GRIK4: variants seen among roughly 807,000 people sequenced by gnomAD.
The protein encoded by GRIK4 is glutamate receptor ionotropic, kainate 4.
Under a neutral mutation model 104.9 loss-of-function variants are expected in GRIK4, and 40 were observed. The observed-to-expected ratio is 0.38, with a 90% CI of 0.30 to 0.50. The LOEUF is 0.50. Among genes scored for constraint, GRIK4 ranks in the 20% least tolerant of loss-of-function variants. The probability of loss-of-function intolerance (pLI) is 0.93; values close to 1 mark genes in which losing one functional copy is unlikely to be tolerated. For missense variants in GRIK4, 1,047 were observed against 1,308.1 expected, an observed-to-expected ratio of 0.80 and a Z score of 3.08; for synonymous variants, 485 against 524.9, an observed-to-expected ratio of 0.92 and a Z score of 1.04.
intron 14 of GRIK4, among the ~76,000 whole-genome samples, chr11:120,948,814 T>C (rs1172050019): frequency 6.6e-6 from 1 of 151,850 alleles, no homozygotes; most frequent in African/African-American, 2.4e-5. Context: ...AGAAGGAGAG[T>C]GAACATACAT....
chr11:120,921,615 C>A (rs1208012118), intron 13 of GRIK4, among the ~76,000 whole-genome samples: 1 of 152,216 alleles, frequency 6.6e-6, no homozygotes, highest in Non-Finnish European at 1.5e-5. Context: ...CCTGCCTCCA[C>A]CCTCCTGGCT....
At chr11:120,540,632 TAAAATAA>T (rs1482128200) in intron 1 of GRIK4, among the ~76,000 whole-genome samples, 1 of 150,994 alleles carries the variant, frequency 6.6e-6, no homozygotes, top group Non-Finnish European at 1.5e-5. Flanking sequence ...TATAAATAAA[TAAAATAA>T]AAAATAAAAA....
intron 6 of GRIK4, among the ~76,000 whole-genome samples, chr11:120,822,272 C>T (rs1188241740): frequency 6.6e-6 from 1 of 150,800 alleles, no homozygotes; most frequent in South Asian, 2.1e-4. Flanking sequence ...CTGGAGTTCT[C>T]CAGCAGGGCT....
At chr11:120,916,051 TGAG>T (rs1457219603) in intron 13 of GRIK4, among the ~76,000 whole-genome samples, 8 of 152,126 alleles carry the variant, frequency 5.3e-5, no homozygotes, top group Non-Finnish European at 7.4e-5. Context: ...CCTAGAAGAA[TGAG>T]GAGGAAGGAA....
intron 13 of GRIK4, among the ~76,000 whole-genome samples, chr11:120,922,262 C>T (rs1302374470): frequency 1.3e-5 from 2 of 152,200 alleles, no homozygotes; most frequent in Non-Finnish European, 2.9e-5. Context: ...CTAACTTGTT[C>T]AAGATCACGT....
chr11:120,850,196 G>T (rs1188952689), intron 8 of GRIK4, among the ~76,000 whole-genome samples: 1 of 152,080 alleles, frequency 6.6e-6, no homozygotes, highest in Non-Finnish European at 1.5e-5. Context: ...GCTTTTAAAG[G>T]ACTCTTAGGC....
intron 16 of GRIK4, 121 bp downstream of exon 16, chr11:120,957,074 C>A: frequency 2.4e-6 from 2 of 847,172 alleles, no homozygotes; most frequent in Non-Finnish European, 3.5e-6. Flanking sequence ...CAGACCCACG[C>A]AGGAAGCCGA....
At chr11:120,787,005 A>G (rs1247975282) in intron 3 of GRIK4, among the ~76,000 whole-genome samples, 3 of 152,236 alleles carry the variant, frequency 2.0e-5, no homozygotes, top group African/African-American at 7.2e-5. Context: ...AATGATTTTT[A>G]TATTGACTAG....
At chr11:120,921,350 G>C (rs1385432572) in intron 13 of GRIK4, among the ~76,000 whole-genome samples, 1 of 152,176 alleles carries the variant, frequency 6.6e-6, no homozygotes, top group Non-Finnish European at 1.5e-5. Flanking sequence ...CAGCCACCAG[G>C]GGATGGGTGG....
intron 1 of GRIK4, among the ~76,000 whole-genome samples, chr11:120,580,099 C>T (rs949708117): frequency 6.6e-6 from 1 of 152,036 alleles, no homozygotes; most frequent in Non-Finnish European, 1.5e-5. Flanking sequence ...TGCAGAAATG[C>T]CAGTTTGTTT....
At chr11:120,659,930 C>G (rs1949782952) in intron 2 of GRIK4, among the ~76,000 whole-genome samples, 1 of 152,168 alleles carries the variant, frequency 6.6e-6, no homozygotes, top group East Asian at 1.9e-4. Flanking sequence ...CGGGGTTTTG[C>G]CATGTTGGCC....
chr11:120,881,606 C>A (rs1165004735), intron 11 of GRIK4, among the ~76,000 whole-genome samples: 1 of 152,194 alleles, frequency 6.6e-6, no homozygotes, highest in Non-Finnish European at 1.5e-5. Flanking sequence ...CCCTTGCGAA[C>A]CAAGAACTCA....
intron 20 of GRIK4, 59 bp from the exon 21 acceptor site, chr11:120,985,845 G>A: frequency 6.6e-7 from 1 of 1,509,836 alleles, no homozygotes; most frequent in South Asian, 1.2e-5. Context: ...CAGCGGACTC[G>A]CAGGGGGCCC....
chr11:120,678,115 G>A (rs928294412), intron 3 of GRIK4, among the ~76,000 whole-genome samples: 3 of 152,294 alleles, frequency 2.0e-5, no homozygotes, highest in African/African-American at 7.2e-5. Context: ...CGAGGCCTCT[G>A]GGCAGTGCCT....
At chr11:120,743,257 A>G (rs868378423) in intron 3 of GRIK4, among the ~76,000 whole-genome samples, 10 of 151,910 alleles carry the variant, frequency 6.6e-5, no homozygotes, top group Non-Finnish European at 1.2e-4. Flanking sequence ...AAAGAATGAG[A>G]TTATGTCTTT....
chr11:120,603,046 C>T (rs1344802417), intron 1 of GRIK4, among the ~76,000 whole-genome samples: 1 of 152,176 alleles, frequency 6.6e-6, no homozygotes, highest in East Asian at 1.9e-4. Flanking sequence ...CGATACAGGC[C>T]TGAAGGTAGG....
At chr11:120,567,398 A>G (rs1196935999) in intron 1 of GRIK4, among the ~76,000 whole-genome samples, 1 of 151,514 alleles carries the variant, frequency 6.6e-6, no homozygotes, top group Non-Finnish European at 1.5e-5. Flanking sequence ...GGCTCAAGCA[A>G]TCCTCCCACC....
chr11:120,846,262 A>G lies in GRIK4; in HGVS notation c.744+9418A>G, dbSNP rs1271502827. On this transcript the variant is annotated intron_variant, in intron 8 of 20. Transcript: ENST00000527524. ...CCAGCTATGATTAAGCAATTTGCAT[A>G]TGGAAAATGCTACCATCAACTACAC... Among the ~76,000 whole-genome samples the G allele has an allele frequency of 2.6e-5, 4 of 152,242 alleles. No individual in the cohort carries two copies. In the East Asian group the frequency reaches 7.7e-4, roughly 29 times the overall value.
chr11:120,636,547 G>A (rs932233725), intron 1 of GRIK4, among the ~76,000 whole-genome samples: 9 of 152,114 alleles, frequency 5.9e-5, no homozygotes, highest in African/African-American at 2.2e-4. Context: ...TCCCTAGAAA[G>A]ACTGCTACTC....
Sources: gnomAD v4.1 joint callset for allele counts (sites outside exome capture counted in the v4.1 genomes callset) on GRCh38, gnomAD v4.1.1 for gene constraint, MANE v1.5 for transcripts, NCBI Gene and HGNC (gene_info 2026-07-23, HGNC 2026-07-21) for gene names.